Variants in RGS3 observed in about 807,000 individuals in gnomAD.
RGS3 encodes regulator of G protein signaling 3.
Under a neutral mutation model 132.6 loss-of-function variants are expected in RGS3, and 80 were observed. That is an observed-to-expected ratio of 0.60 (90% confidence interval 0.50 to 0.73). The LOEUF is 0.73. RGS3 is among the 30% of genes least tolerant of loss of function. The pLI, the probability that RGS3 is intolerant of heterozygous loss-of-function variation, is 0.00. For missense variants in RGS3, 1,382 were observed against 1,530.8 expected, an observed-to-expected ratio of 0.90 and a Z score of 1.62; for synonymous variants, 598 against 620.6, an observed-to-expected ratio of 0.96 and a Z score of 0.54.
At chr9:113,529,356 G>A in intron 18 of RGS3, 92 bp downstream of exon 16, 1 of 1,120,122 alleles carries the variant, frequency 8.9e-7, no homozygotes, top group Non-Finnish European at 1.4e-6. Context: ...GTGTTCTGAT[G>A]CCAGCCTCCA....
At chr9:113,580,256 T>C (rs1834725140) in intron 19 of RGS3, among the ~76,000 whole-genome samples, 1 of 152,244 alleles carries the variant, frequency 6.6e-6, no homozygotes, top group African/African-American at 2.4e-5. Context: ...TACAGCCCTC[T>C]GAGGTCCCCA....
At chr9:113,542,672 G>A (rs10981817) in intron 19 of RGS3, among the ~76,000 whole-genome samples, 18,100 of 152,184 alleles carry the variant, frequency 0.12, 1,294 homozygotes, top group African/African-American at 0.19. Context: ...GCCAGGCCTC[G>A]TGGGGGATAG....
chr9:113,566,699 G>A (rs1280529194), intron 19 of RGS3, among the ~76,000 whole-genome samples: 1 of 152,192 alleles, frequency 6.6e-6, no homozygotes, highest in African/African-American at 2.4e-5. Flanking sequence ...GGTACACCAG[G>A]CCCCACAGCG....
intron 19 of RGS3, 63 bp downstream of exon 17, chr9:113,536,981 T>G: frequency 6.5e-7 from 1 of 1,532,170 alleles, no homozygotes; most frequent in Admixed American, 1.7e-5. Flanking sequence ...GCCTAGACCC[T>G]TGAGCCTCTG....
chr9:113,551,982 G>A (rs1032372422), intron 19 of RGS3, among the ~76,000 whole-genome samples: 2 of 152,100 alleles, frequency 1.3e-5, no homozygotes, highest in African/African-American at 2.4e-5. Flanking sequence ...AAAAATTATA[G>A]CCATTCTAGT....
intron 7 of RGS3, 38 bp from the exon 6 acceptor site, chr9:113,495,748 A>G (rs766924288): frequency 1.9e-6 from 3 of 1,581,616 alleles, no homozygotes; most frequent in African/African-American, 2.7e-5. Flanking sequence ...TAGAGCCCAG[A>G]AAAAAAATGC....
At chr9:113,485,028 C>T (rs1054717665) in intron 6 of RGS3, among the ~76,000 whole-genome samples, 5 of 151,404 alleles carry the variant, frequency 3.3e-5, no homozygotes, top group South Asian at 2.1e-4. Flanking sequence ...TGTATGTTTG[C>T]GTGTGGGTGT....
chr9:113,570,013 C>A (rs1834216056), intron 19 of RGS3, among the ~76,000 whole-genome samples: 1 of 152,164 alleles, frequency 6.6e-6, no homozygotes, highest in Non-Finnish European at 1.5e-5. Flanking sequence ...ACATGCTCCT[C>A]CTTGTCTAGG....
At chr9:113,466,205 C>T (rs1829637974) in intron 3 of RGS3, among the ~76,000 whole-genome samples, 1 of 152,198 alleles carries the variant, frequency 6.6e-6, no homozygotes, top group Admixed American at 6.5e-5. Flanking sequence ...CAATTGGGAC[C>T]ACTTTTACTG....
chr9:113,490,378 C>T (rs1028938808), intron 7 of RGS3, among the ~76,000 whole-genome samples: 3 of 151,750 alleles, frequency 2.0e-5, no homozygotes, highest in Non-Finnish European at 4.4e-5. Flanking sequence ...CTCATCTCAT[C>T]GGTATATATT....
intron 3 of RGS3, among the ~76,000 whole-genome samples, chr9:113,465,478 T>TGC (rs1311369970): frequency 6.6e-6 from 1 of 151,566 alleles, no homozygotes; most frequent in Non-Finnish European, 1.5e-5. Flanking sequence ...TGTGTGTGTG[T>TGC]GTGCCTGTGT....
intron 14 of RGS3, among the ~76,000 whole-genome samples, chr9:113,510,843 T>A (rs974844614): frequency 6.6e-6 from 1 of 152,244 alleles, no homozygotes; most frequent in Non-Finnish European, 1.5e-5. Flanking sequence ...CTTCACTCTT[T>A]ACCAGGGATC....
intron 16 of RGS3, among the ~76,000 whole-genome samples, chr9:113,521,082 G>A (rs1013739692): frequency 1.3e-5 from 2 of 152,192 alleles, no homozygotes; most frequent in African/African-American, 4.8e-5. Context: ...CCACTGAGCA[G>A]AAAGGAAGCG....
chr9:113,584,666 G>A (rs1293135929), intron 20 of RGS3, among the ~76,000 whole-genome samples: 1 of 152,170 alleles, frequency 6.6e-6, no homozygotes, highest in Non-Finnish European at 1.5e-5. Flanking sequence ...AGCTCCACTG[G>A]TCCCCACAGA....
At position 113,536,707 on chromosome 9, in the gene RGS3, C is replaced by G. The variant is rs955392025; in HGVS notation, c.1915-89C>G. The G allele has an allele frequency of 4.5e-6, 7 of 1,551,898 alleles. No homozygotes were observed. The South Asian group carries it at 7.3e-5, about 16-fold the overall frequency. On this transcript the variant is annotated intron_variant, in intron 18 of 24. Transcript: ENST00000350696. The stretch of plus-strand genomic sequence containing the variant: ...CCCCTCCTGGCTGCAGCCTCACCCT[C>G]TGGAGCCCAGGGATGGGCTTGGGCC...
At chr9:113,563,695 G>T (rs1588255881) in intron 19 of RGS3, among the ~76,000 whole-genome samples, 5 of 152,314 alleles carry the variant, frequency 3.3e-5, no homozygotes, top group Admixed American at 3.3e-4. Context: ...ATGAAACACT[G>T]GTTGGAGTTT....
At chr9:113,523,408 A>G (rs914038621) in intron 17 of RGS3, among the ~76,000 whole-genome samples, 52 of 152,294 alleles carry the variant, frequency 3.4e-4, no homozygotes, top group African/African-American at 1.2e-3. Context: ...CCGTGTAAAT[A>G]GGGATAAAAA....
chr9:113,463,581 G>C lies in RGS3; in HGVS notation c.415+1380G>C. 1 of 845,064 alleles carries C rather than the reference G, an allele frequency of 1.2e-6. No homozygotes were observed. Among genetic ancestry groups the C allele is most frequent in the Non-Finnish European group, 1.6e-6 (1 of 615,664 alleles). 52.3% of individuals were successfully genotyped at this position (845,064 alleles called of 1,614,324 possible). A position where few individuals can be genotyped will look rare whatever the true frequency, so the allele number is the denominator to read the frequency against. ...TCGCTGCTCAGCGCGGGTCGGCGGC[G>C]CCGCCTCCCCCACCCCGGCCCAGCT... On this transcript the variant is annotated intron_variant, in intron 3 of 24. Transcript: ENST00000350696. This position sits in a 1 kb window ranked among gnomAD's most constrained non-coding sequence, Gnocchi z 4.6.
chr9:113,496,448 G>A (rs1396860984), intron 8 of RGS3, among the ~76,000 whole-genome samples: 4 of 152,170 alleles, frequency 2.6e-5, no homozygotes, highest in African/African-American at 9.7e-5. Context: ...GAAATGTCCT[G>A]GTGGCTTGTG....
Sources: allele counts gnomAD v4.1 joint callset (sites outside exome capture counted in the v4.1 genomes callset), GRCh38; gene constraint gnomAD v4.1.1; non-coding constraint Gnocchi (gnomAD v3.1); transcripts MANE v1.5; gene names NCBI Gene and HGNC (gene_info 2026-07-23, HGNC 2026-07-21).